The following IPO8 variants were observed in gnomAD, a reference collection of about 807,000 sequenced individuals.
The protein encoded by IPO8 is importin-8.
IPO8 carries 65 observed loss-of-function variants against 141.2 expected under a neutral mutation model. The observed-to-expected ratio is 0.46, with a 90% confidence interval of 0.38 to 0.57. IPO8 has a LOEUF of 0.57. Among genes scored for constraint, IPO8 ranks in the 20% least tolerant of loss-of-function variants. The pLI is 0.00. For missense variants in IPO8, 980 were observed against 1,246.8 expected (o/e 0.79, Z 3.22); for synonymous variants, 411 against 420.3 (o/e 0.98, Z 0.27).
rs989467036 is a variant in IPO8 at position 30,632,081 on chromosome 12, G to T, written c.2900-70C>A. On this transcript the variant is annotated intron_variant, in intron 23 of 24. Coordinates refer to ENST00000256079, the MANE Select transcript of IPO8 (RefSeq NM_006390.4). ...TAATTTACAGAACAAGTAGTAACAT[G>T]ATCAAATTACAAAGAAATTATCCCA... 254 of 985,134 alleles carry T rather than the reference G, an allele frequency of 2.6e-4. 4 individuals carry two copies. In the East Asian group the frequency reaches 6.2e-3, roughly 24 times the overall value. 61.0% of individuals were successfully genotyped at this position (985,134 alleles called of 1,614,324 possible). A position where few individuals can be genotyped will look rare whatever the true frequency, so the allele number is the denominator to read the frequency against.
rs573386885 is a variant in IPO8 at position 30,666,410 on chromosome 12, C to T, written c.1145-159G>A. ...AAGGTAAGGATATACAGTGGCACCACAACATTGCTGTCTCCTGCACAAAAC... is the reference window on the plus strand; with the variant it reads ...AAGGTAAGGATATACAGTGGCACCATAACATTGCTGTCTCCTGCACAAAAC... On this transcript the variant is annotated intron_variant, in intron 10 of 24. Transcript: ENST00000256079. 2.0e-5 allele frequency among the ~76,000 whole-genome samples: 3 copies of T among 152,308 alleles called. No individual in the cohort carries two copies. In the South Asian group the frequency reaches 6.2e-4, roughly 32 times the overall value.
chr12:30,684,319 C>A lies in IPO8; in HGVS notation c.305G>T (p.Arg102Leu). The change falls in exon 3 of 25, where the codon CGG becomes CTG. Residue 102 changes from arginine to leucine, a missense_variant. By Grantham distance (102) the Arg-to-Leu change is moderately radical. Coordinates refer to ENST00000256079, the MANE Select transcript of IPO8 (RefSeq NM_006390.4). ...IRDNIVEGII[R>L]SPDLVRVQLT... ...CACATACCTCACTAAATCTGGAGACCGAATTATTCCTTCCACAATGTTATC... is the reference window on the plus strand; with the variant it reads ...CACATACCTCACTAAATCTGGAGACAGAATTATTCCTTCCACAATGTTATC... 2 of 1,613,928 alleles carry A rather than the reference C, an allele frequency of 1.2e-6. No homozygotes were observed. The highest frequency in any genetic ancestry group is 1.7e-6 in the Non-Finnish European group (2 of 1,179,926).
In IPO8 at chr12:30,695,400, T is replaced by G. The variant is rs933251939; in HGVS notation, c.84+164A>C. Among the ~76,000 whole-genome samples the G allele has an allele frequency of 2.6e-5, 4 of 152,082 alleles. No individual in the cohort carries two copies. The highest frequency in any genetic ancestry group is 9.7e-5 in the African/African-American group (4 of 41,414). ...TCGGCAAAGATCCTGGGAGCCCTGC[T>G]CCACTGGACCGGGGGGCAGCGGGGT... On this transcript the variant is annotated intron_variant, in intron 1 of 24. Coordinates refer to ENST00000256079, the MANE Select transcript of IPO8 (RefSeq NM_006390.4). This position sits in a 1 kb window ranked among gnomAD's most constrained non-coding sequence, Gnocchi z 4.2.
chr12:30,684,236 G>T, intron 3 of IPO8, 65 bp downstream of exon 3: 2 of 1,461,594 alleles, frequency 1.4e-6, no homozygotes, highest in Non-Finnish European at 1.9e-6. Context: ...AGATCCAACA[G>T]CACCCACCCT....
intron 9 of IPO8, 66 bp from the exon 10 acceptor site, chr12:30,669,348 A>G: frequency 1.4e-6 from 1 of 695,536 alleles, no homozygotes; most frequent in African/African-American, 1.8e-5. Flanking sequence ...AGGAATACTA[A>G]TAATGTACTT....
At position 30,680,478 on chromosome 12, in the gene IPO8, C is replaced by G. The variant is rs1478866477; in HGVS notation, c.639+4G>C. ...CATGTTTGTTTTCTGCAATAGAAAC[C>G]TACCTGAACAAGTGCATAAAAGATT... On this transcript the variant is annotated splice_donor_region_variant and intron_variant, in intron 5 of 24. Transcript: ENST00000256079. The G allele has an allele frequency of 1.9e-6, 3 of 1,603,368 alleles. No individual in the cohort carries two copies. Among genetic ancestry groups the G allele is most frequent in the Non-Finnish European group, 2.6e-6 (3 of 1,174,704 alleles).
intron 20 of IPO8, among the ~76,000 whole-genome samples, chr12:30,646,580 GA>G (rs2052650115): frequency 1.3e-5 from 2 of 152,048 alleles, no homozygotes; most frequent in African/African-American, 4.8e-5. Flanking sequence ...CCTGTTTACA[GA>G]AAATTCTAAA....
At chr12:30,661,868 C>T (rs1056851492) in intron 15 of IPO8, among the ~76,000 whole-genome samples, 15 of 152,032 alleles carry the variant, frequency 9.9e-5, no homozygotes, top group African/African-American at 2.7e-4. Context: ...AAGAAATTAT[C>T]CTAAATGTGA....
At chr12:30,656,842 T>C in intron 16 of IPO8, 92 bp from the exon 17 acceptor site, 1 of 583,270 alleles carries the variant, frequency 1.7e-6, no homozygotes, top group Non-Finnish European at 2.9e-6. Flanking sequence ...GAGGACATTT[T>C]TGAGACGGTA....
At position 30,649,132 on chromosome 12, in the gene IPO8, A is replaced by G. The variant is rs1332518133; in HGVS notation, c.2268+5T>C. 2 of 1,599,006 alleles carry G rather than the reference A, an allele frequency of 1.3e-6. No individual in the cohort carries two copies. The highest frequency in any genetic ancestry group is 1.7e-6 in the Non-Finnish European group (2 of 1,166,620). On this transcript the variant is annotated splice_donor_5th_base_variant and intron_variant, in intron 20 of 24. Transcript: ENST00000256079. ...CAAGTAAGGCACTTTCCAGACATAT[A>G]TTACCTGATCAATTCCCCTTCCTTT... is the stretch of plus-strand genomic sequence containing the variant.
intron 17 of IPO8, among the ~76,000 whole-genome samples, chr12:30,654,617 AT>A (rs1378717689): frequency 2.0e-5 from 3 of 152,158 alleles, no homozygotes; most frequent in South Asian, 2.1e-4. Flanking sequence ...ATACAAAAAA[AT>A]ATTTTAAATC....
intron 20 of IPO8, among the ~76,000 whole-genome samples, chr12:30,646,785 G>T (rs1005219085): frequency 6.6e-6 from 1 of 152,090 alleles, no homozygotes; most frequent in Non-Finnish European, 1.5e-5. Flanking sequence ...CTTATACTCT[G>T]ATAACAACCA....
intron 21 of IPO8, among the ~76,000 whole-genome samples, chr12:30,638,207 G>A (rs555635474): frequency 2.0e-4 from 30 of 152,276 alleles, no homozygotes; most frequent in African/African-American, 6.7e-4. Flanking sequence ...ACACATAAGA[G>A]AACCAACCGC....
intron 6 of IPO8, among the ~76,000 whole-genome samples, chr12:30,675,116 G>A (rs2053102282): frequency 6.6e-6 from 1 of 152,186 alleles, no homozygotes; most frequent in African/African-American, 2.4e-5. Context: ...ATTAAGTTCT[G>A]TGCATTTATG....
At chr12:30,679,662 T>C (rs1357770735) in intron 5 of IPO8, among the ~76,000 whole-genome samples, 1 of 152,110 alleles carries the variant, frequency 6.6e-6, no homozygotes, top group African/African-American at 2.4e-5. Context: ...ATATAAATCT[T>C]TATTAAAGTA....
intron 10 of IPO8, among the ~76,000 whole-genome samples, chr12:30,667,381 G>C (rs1245123776): frequency 1.3e-5 from 2 of 152,194 alleles, no homozygotes; most frequent in Non-Finnish European, 2.9e-5. Context: ...ATCAAAGCCT[G>C]AGCTCTTGTT....
intron 20 of IPO8, among the ~76,000 whole-genome samples, chr12:30,647,651 A>T (rs2052667779): frequency 6.6e-6 from 1 of 150,658 alleles, no homozygotes; most frequent in Admixed American, 6.6e-5. Context: ...CAATAATCAT[A>T]AAAAAAAATT....
Position 30,630,564 on chromosome 12 carries a change from T to G in IPO8, c.*296A>C. The G allele has an allele frequency of 2.9e-6, 1 of 347,366 alleles. No individual in the cohort carries two copies. The highest frequency in any genetic ancestry group is 2.1e-5 in the African/African-American group (1 of 47,224). The allele number at this position is 347,366 out of a possible 1,614,324, so 21.5% of individuals were successfully genotyped here. A position where few individuals can be genotyped will look rare whatever the true frequency, so the allele number is the denominator to read the frequency against. ...CAAAAACCTGAGACGTGCAAGTCTA[T>G]CCAATCCTCTAAAACAACCTTGGGC... On this transcript the variant is annotated 3_prime_UTR_variant, in exon 25 of 25. Coordinates refer to ENST00000256079, the MANE Select transcript of IPO8 (RefSeq NM_006390.4).
intron 19 of IPO8, 46 bp downstream of exon 19, chr12:30,652,144 CAA>C (rs2136139743): frequency 9.4e-7 from 1 of 1,062,698 alleles, no homozygotes; most frequent in East Asian, 2.4e-5. Flanking sequence ...GCAAAACAGG[CAA>C]ACATTAGTTA....
Sources: gnomAD v4.1 joint callset for allele counts (sites outside exome capture counted in the v4.1 genomes callset) on GRCh38, gnomAD v4.1.1 for gene constraint, Gnocchi (gnomAD v3.1) non-coding constraint, MANE v1.5 for transcripts, NCBI Gene and HGNC (gene_info 2026-07-23, HGNC 2026-07-21) for gene names.